LAMA3: variants seen among roughly 807,000 people sequenced by gnomAD.
The protein encoded by LAMA3 is laminin subunit alpha-3.
In LAMA3, 281 loss-of-function variants were observed where a neutral mutation model predicts 402.0. The observed-to-expected ratio is 0.70, with a 90% CI of 0.63 to 0.77. The LOEUF (loss-of-function observed/expected upper bound fraction) is 0.77. Among genes scored for constraint, LAMA3 ranks in the 30% least tolerant of loss-of-function variants. The pLI, the probability that LAMA3 is intolerant of heterozygous loss-of-function variation, is 0.00. For missense variants in LAMA3, 3,840 were observed against 4,215.5 expected (o/e 0.91, Z 2.47); for synonymous variants, 1,431 against 1,558.4 (o/e 0.92, Z 1.93).
intron 39 of LAMA3, among the ~76,000 whole-genome samples, chr18:23,878,538 C>T (rs1310200550): frequency 6.6e-6 from 1 of 152,256 alleles, no homozygotes; most frequent in African/African-American, 2.4e-5. Context: ...TGTCTGCACT[C>T]AGCTAACGGC....
chr18:23,829,829 T>C (rs564844992), intron 23 of LAMA3, among the ~76,000 whole-genome samples: 3 of 152,322 alleles, frequency 2.0e-5, no homozygotes, highest in African/African-American at 4.8e-5. Context: ...TATGTCCATA[T>C]GTACCCATTG....
chr18:23,949,885 G>C lies in LAMA3; in HGVS notation c.9472G>C (p.Gly3158Arg), dbSNP rs2082844071. The change falls in exon 71 of 75, where the codon GGC becomes CGC. Residue 3158 changes from glycine to arginine, a missense_variant. Physicochemically the swap from Gly to Arg is moderately radical, Grantham distance 125. This residue lies in a region of LAMA3 where 840 missense variants were observed against 981.9 expected (regional missense o/e 0.86). Coordinates refer to ENST00000313654, the MANE Select transcript of LAMA3 (RefSeq NM_198129.4). Reference protein sequence around the residue: ...SSCLGGPLEKGIYFSEEGGHV... With the variant: ...SSCLGGPLEKRIYFSEEGGHV... ...CTGCTTGGGTGGTCCTTTGGAGAAA[G>C]GCATTTATTTCTCTGAAGAAGGAGG... 1 of 1,613,908 alleles carries C rather than the reference G, an allele frequency of 6.2e-7. No individual in the cohort carries two copies. Among genetic ancestry groups the C allele is most frequent in the African/African-American group, 1.3e-5 (1 of 74,862 alleles).
At chr18:23,898,874 T>C (rs773276650) in intron 45 of LAMA3, 26 bp downstream of exon 45, 24 of 1,574,878 alleles carry the variant, frequency 1.5e-5, no homozygotes, top group Admixed American at 1.7e-5. Context: ...CATTTAACTT[T>C]GGGGTTTTTT....
intron 1 of LAMA3, among the ~76,000 whole-genome samples, chr18:23,703,434 A>G (rs1042038321): frequency 1.3e-5 from 2 of 152,196 alleles, no homozygotes; most frequent in East Asian, 1.9e-4. Context: ...ATTTCCATCT[A>G]TTCTACTCCA....
intron 62 of LAMA3, among the ~76,000 whole-genome samples, chr18:23,922,457 T>A (rs1374524741): frequency 6.6e-6 from 1 of 152,244 alleles, no homozygotes; most frequent in Non-Finnish European, 1.5e-5. Context: ...CGTCTGTCCA[T>A]TCTACGTAGT....
intron 13 of LAMA3, 83 bp downstream of exon 13, chr18:23,810,586 C>T: frequency 6.7e-6 from 10 of 1,502,596 alleles, no homozygotes; most frequent in Middle Eastern, 1.8e-4. Flanking sequence ...CTGCAAATCC[C>T]CCACAGACTC....
intron 38 of LAMA3, chr18:23,873,136 A>C: frequency 6.2e-7 from 1 of 1,614,222 alleles, no homozygotes; most frequent in Non-Finnish European, 8.5e-7. Flanking sequence ...TACAGTTCAC[A>C]GCAGCAAAGG....
intron 23 of LAMA3, among the ~76,000 whole-genome samples, chr18:23,832,423 G>T (rs1954393817): frequency 1.3e-5 from 2 of 152,200 alleles, no homozygotes; most frequent in South Asian, 4.1e-4. Context: ...CAGTTACGTG[G>T]TTCAGAGCCT....
In LAMA3 at chr18:23,839,637, A is replaced by G. The variant is rs997777182; in HGVS notation, c.3192-148A>G. On this transcript the variant is annotated intron_variant, in intron 26 of 74. Transcript: ENST00000313654. The surrounding 1 kb of genome is among the most constrained non-coding windows in gnomAD (Gnocchi z 4.5). Reference sequence around the variant, plus strand: ...ACTTGGCATGAGTATCATTATATAAAGATCCCTAGAGTTCTGTGCTTCCCC... The same window carrying G: ...ACTTGGCATGAGTATCATTATATAAGGATCCCTAGAGTTCTGTGCTTCCCC... 7 of 755,358 alleles carry G rather than the reference A, an allele frequency of 9.3e-6. No homozygotes were observed. The highest frequency in any genetic ancestry group is 1.4e-5 in the Non-Finnish European group (6 of 442,032). 46.8% of individuals were successfully genotyped at this position (755,358 alleles called of 1,614,324 possible).
rs2081833866 is a variant in LAMA3, at chr18:23,921,456, A to G, written c.8048A>G (p.Gln2683Arg). 6.2e-7 allele frequency: 1 copy of G among 1,612,680 alleles called. No individual in the cohort carries two copies. The highest frequency in any genetic ancestry group is 8.5e-7 in the Non-Finnish European group (1 of 1,179,662). ...TTCATCTCTCATTTATTTCAGATTC[A>G]GATCAAAATTGGAAAACTCCAAAAG... Reference protein sequence around the residue: ...AINNGRDHSIQIKIGKLQKRM... With the variant: ...AINNGRDHSIRIKIGKLQKRM... Residue 2683 changes from glutamine (Q) to arginine (R), a missense_variant, in exon 62 of 75, where the codon CAG becomes CGG. This residue lies in a region of LAMA3 where 840 missense variants were observed against 981.9 expected (regional missense o/e 0.86). Coordinates refer to ENST00000313654, the MANE Select transcript of LAMA3 (RefSeq NM_198129.4).
intron 48 of LAMA3, 127 bp from the exon 49 acceptor site, chr18:23,902,882 G>A (rs1444805563): frequency 1.4e-6 from 1 of 727,084 alleles, no homozygotes; most frequent in African/African-American, 1.7e-5. Context: ...TAATTGCCTA[G>A]ACAATGTTCA....
At chr18:23,898,532 A>G (rs1456708016) in intron 44 of LAMA3, 4 of 593,166 alleles carry the variant, frequency 6.7e-6, no homozygotes, top group Admixed American at 3.0e-5. Flanking sequence ...CATTTGTCAC[A>G]TTTGCTACTT....
At chr18:23,847,116 G>A (rs1377022407) in intron 31 of LAMA3, among the ~76,000 whole-genome samples, 3 of 152,194 alleles carry the variant, frequency 2.0e-5, no homozygotes, top group Non-Finnish European at 4.4e-5. Context: ...ACAGGGTACT[G>A]GGGTGATGTG....
intron 73 of LAMA3, 36 bp from the exon 74 acceptor site, chr18:23,952,954 C>T: frequency 6.2e-7 from 1 of 1,613,364 alleles, no homozygotes; most frequent in Non-Finnish European, 8.5e-7. Flanking sequence ...CAGGGCTCAC[C>T]TCCGATGATA....
chr18:23,755,871 A>G (rs1035953141), intron 6 of LAMA3, among the ~76,000 whole-genome samples: 5 of 152,258 alleles, frequency 3.3e-5, no homozygotes, highest in Non-Finnish European at 5.9e-5. Context: ...TAACATATTT[A>G]CAGCAGGTGT....
chr18:23,910,575 A>G (rs2081393658), intron 55 of LAMA3, among the ~76,000 whole-genome samples: 1 of 152,228 alleles, frequency 6.6e-6, no homozygotes, highest in African/African-American at 2.4e-5. Context: ...CAAGCTGGAT[A>G]GAGGTGTGTT....
At chr18:23,691,921 C>A (rs550268125) in intron 1 of LAMA3, among the ~76,000 whole-genome samples, 4 of 152,168 alleles carry the variant, frequency 2.6e-5, no homozygotes, top group African/African-American at 7.2e-5. Flanking sequence ...TGAAAAGATA[C>A]CTAAAAAAAT....
chr18:23,857,604 G>C (rs1007833709), intron 32 of LAMA3, among the ~76,000 whole-genome samples: 5 of 152,182 alleles, frequency 3.3e-5, no homozygotes, highest in Admixed American at 1.3e-4. Context: ...TCAACACCTA[G>C]TGCTAAGCCT....
intron 8 of LAMA3, among the ~76,000 whole-genome samples, chr18:23,771,324 A>C (rs1433197332): frequency 6.6e-6 from 1 of 152,234 alleles, no homozygotes; most frequent in Non-Finnish European, 1.5e-5. Flanking sequence ...CAAAAGTATC[A>C]GGGCCATTTA....
Sources: gnomAD v4.1 joint callset for allele counts (sites outside exome capture counted in the v4.1 genomes callset) on GRCh38, gnomAD v4.1.1 for gene constraint, gnomAD v4.1.1 regional missense constraint, Gnocchi (gnomAD v3.1) non-coding constraint, MANE v1.5 for transcripts, NCBI Gene and HGNC (gene_info 2026-07-23, HGNC 2026-07-21) for gene names.